The following AGBL1 variants were observed in gnomAD, a reference collection of about 807,000 sequenced individuals.
AGBL1 encodes the protein AGBL carboxypeptidase 1.
A neutral mutation model predicts 118.9 loss-of-function variants in AGBL1; 130 were observed. The ratio of observed to expected loss-of-function variants is 1.09; its 90% CI spans 0.95 to 1.26. The LOEUF (loss-of-function observed/expected upper bound fraction) is 1.26. Ranked by LOEUF, AGBL1 falls within the 50% of genes most tolerant of loss-of-function variation. AGBL1 has a pLI of 0.00. For synonymous variants in AGBL1, 555 were observed against 478.9 expected, an observed-to-expected ratio of 1.16 and a Z score of -2.08; for missense variants, 1,584 against 1,298.1, an observed-to-expected ratio of 1.22 and a Z score of -3.38.
At chr15:86,562,658 A>G (rs994674090) in intron 21 of AGBL1, among the ~76,000 whole-genome samples, 2 of 152,218 alleles carry the variant, frequency 1.3e-5, no homozygotes, top group Non-Finnish European at 2.9e-5. Flanking sequence ...CTGGCCTCAT[A>G]AAATGAGTTA....
At chr15:86,750,228 A>G (rs981512464) in intron 22 of AGBL1, among the ~76,000 whole-genome samples, 7 of 152,108 alleles carry the variant, frequency 4.6e-5, no homozygotes, top group Non-Finnish European at 7.4e-5. Context: ...GAGTCATTCA[A>G]CAATGTTGTT....
intron 5 of AGBL1, among the ~76,000 whole-genome samples, chr15:86,169,005 A>G (rs952342659): frequency 2.6e-5 from 4 of 152,228 alleles, no homozygotes; most frequent in Admixed American, 2.0e-4. Flanking sequence ...ACCAATGTTG[A>G]TGGACATTAG....
chr15:86,466,443 C>T (rs2082408166), intron 18 of AGBL1, among the ~76,000 whole-genome samples: 3 of 152,286 alleles, frequency 2.0e-5, no homozygotes, highest in South Asian at 4.1e-4. Flanking sequence ...AGAACATGCT[C>T]CTTTAGGTTG....
intron 18 of AGBL1, among the ~76,000 whole-genome samples, chr15:86,450,577 A>T (rs1267745294): frequency 1.3e-5 from 2 of 152,320 alleles, no homozygotes; most frequent in Middle Eastern, 3.4e-3. Flanking sequence ...GAGAATGACT[A>T]CTTACTTACC....
At chr15:86,775,225 C>A (rs1417354685) in intron 22 of AGBL1, among the ~76,000 whole-genome samples, 3 of 152,126 alleles carry the variant, frequency 2.0e-5, no homozygotes, top group Admixed American at 2.0e-4. Flanking sequence ...ATAAACCAGA[C>A]AGAAAGTGAT....
chr15:86,777,387 C>A (rs919441111), intron 22 of AGBL1, among the ~76,000 whole-genome samples: 5 of 151,622 alleles, frequency 3.3e-5, no homozygotes, highest in Admixed American at 6.6e-5. Context: ...TTCTCTTGTG[C>A]CTCCCCTTTC....
intron 5 of AGBL1, among the ~76,000 whole-genome samples, chr15:86,174,451 C>G (rs1470523185): frequency 1.3e-5 from 2 of 152,024 alleles, no homozygotes; most frequent in East Asian, 1.9e-4. Context: ...CTTTCTCTTG[C>G]TAGAGATTGT....
At chr15:86,694,691 G>A (rs539180829) in intron 22 of AGBL1, among the ~76,000 whole-genome samples, 28 of 152,022 alleles carry the variant, frequency 1.8e-4, no homozygotes, top group African/African-American at 6.5e-4. Flanking sequence ...AAGGGAACAT[G>A]TTCAACTTTT....
At chr15:86,628,934 C>T (rs1011065695) in intron 21 of AGBL1, among the ~76,000 whole-genome samples, 2 of 152,100 alleles carry the variant, frequency 1.3e-5, no homozygotes, top group Non-Finnish European at 2.9e-5. Context: ...AAAGAGTCAT[C>T]ACAATCAAGC....
rs370030749 is a variant in AGBL1 at position 86,715,874 on chromosome 15, T to C, written c.3158+41438T>C. Among the ~76,000 whole-genome samples the C allele has an allele frequency of 2.4e-4, 37 of 151,934 alleles. No homozygotes were observed. In the East Asian group the frequency reaches 5.8e-3, roughly 24 times the overall value. ...GAGATCGAGACCATCCTGGCTAACA[T>C]GGTGAAACCCCATCTTTACTAAAAA... On this transcript the variant is annotated intron_variant, in intron 22 of 22. Coordinates refer to ENST00000614907, the MANE Select transcript of AGBL1 (RefSeq NM_001386094.1).
chr15:86,337,774 A>T (rs1595985819), intron 17 of AGBL1, among the ~76,000 whole-genome samples: 1 of 152,302 alleles, frequency 6.6e-6, no homozygotes, highest in Middle Eastern at 3.4e-3. Context: ...TACCTAGGTG[A>T]TAGGTTGATA....
At chr15:86,468,743 C>A (rs555444095) in intron 18 of AGBL1, among the ~76,000 whole-genome samples, 28 of 152,046 alleles carry the variant, frequency 1.8e-4, no homozygotes, top group Non-Finnish European at 2.6e-4. Context: ...TTTGTAAATT[C>A]TTTCGCTAAT....
chr15:86,213,866 C>G (rs2078142123), intron 5 of AGBL1, among the ~76,000 whole-genome samples: 1 of 152,150 alleles, frequency 6.6e-6, no homozygotes, highest in Admixed American at 6.5e-5. Flanking sequence ...ACTGTCAAAA[C>G]TTTGTTGTTA....
chr15:86,548,117 T>C lies in AGBL1; in HGVS notation c.2817+1984T>C, dbSNP rs78799282. ...CCCACTCATTTTACAGATGGGAAAA[T>C]TGAGACTCAGGGGAGAATGTCTTGG... On this transcript the variant is annotated intron_variant, in intron 20 of 22. Coordinates refer to ENST00000614907, the MANE Select transcript of AGBL1 (RefSeq NM_001386094.1). Among the ~76,000 whole-genome samples the C allele has an allele frequency of 4.3e-4, 65 of 152,248 alleles. No homozygotes were observed. In the East Asian group the frequency reaches 0.01, roughly 24 times the overall value.
intron 19 of AGBL1, among the ~76,000 whole-genome samples, chr15:86,543,884 TAGA>T (rs2083539833): frequency 2.6e-5 from 4 of 152,178 alleles, no homozygotes; most frequent in Non-Finnish European, 5.9e-5. Flanking sequence ...CCATTGTAGG[TAGA>T]TGAACAGAAA....
chr15:86,644,752 T>C (rs1397020743), intron 21 of AGBL1, among the ~76,000 whole-genome samples: 1 of 148,866 alleles, frequency 6.7e-6, no homozygotes, highest in East Asian at 2.0e-4. Context: ...ACGCCTGTAA[T>C]CCCAGCACTT....
chr15:86,872,217 G>C (rs1280285761), intron 22 of AGBL1, among the ~76,000 whole-genome samples: 2 of 152,182 alleles, frequency 1.3e-5, no homozygotes, highest in Non-Finnish European at 1.5e-5. Context: ...AGCAGTGCCT[G>C]TGAATTCTCA....
At chr15:86,518,702 A>G (rs28417626) in intron 18 of AGBL1, among the ~76,000 whole-genome samples, 3,287 of 152,188 alleles carry the variant, frequency 0.022, 113 homozygotes, top group African/African-American at 0.074. Flanking sequence ...CCTGACCCTC[A>G]GTGGCATATG....
At chr15:86,735,649 AAG>A (rs373508036) in intron 22 of AGBL1, among the ~76,000 whole-genome samples, 39 of 109,396 alleles carry the variant, frequency 3.6e-4, no homozygotes, top group Non-Finnish European at 5.4e-4. Flanking sequence ...TCCTGCTACA[AAG>A]AGAGATATAT....
Sources: gnomAD v4.1 joint callset for allele counts (sites outside exome capture counted in the v4.1 genomes callset) on GRCh38, gnomAD v4.1.1 for gene constraint, MANE v1.5 for transcripts, NCBI Gene and HGNC (gene_info 2026-07-23, HGNC 2026-07-21) for gene names.